SEM1: variants seen among roughly 807,000 people sequenced by gnomAD.
SEM1 encodes the protein 26S proteasome complex subunit SEM1.
A neutral mutation model predicts 12.7 loss-of-function variants in SEM1; 3 were observed. That is an observed-to-expected ratio of 0.24 (90% CI 0.11 to 0.61). The LOEUF (loss-of-function observed/expected upper bound fraction) is 0.61. Ranked by LOEUF, SEM1 falls within the 20% of genes least tolerant of loss-of-function variation. SEM1 has a pLI of 0.88. For synonymous variants in SEM1, 30 were observed against 27.8 expected, an observed-to-expected ratio of 1.08 and a Z score of -0.25; for missense variants, 59 against 81.3, an observed-to-expected ratio of 0.73 and a Z score of 1.06.
rs545408432 is a variant in SEM1, at chr7:96,677,327, T to C, written c.171-3468A>G. 4.6e-5 allele frequency among the ~76,000 whole-genome samples: 7 copies of C among 152,180 alleles called. No homozygotes were observed. The South Asian group carries it at 1.2e-3, about 27-fold the overall frequency. Reference sequence around the variant, plus strand: ...GGTAACAAAGAGCTAAAAGGTTCAGTTGGTGGTTATCGTCATCTTTTCTTG... The same window carrying C: ...GGTAACAAAGAGCTAAAAGGTTCAGCTGGTGGTTATCGTCATCTTTTCTTG... On this transcript the variant is annotated intron_variant, in intron 2 of 2. Transcript: ENST00000413065.
intron 2 of SEM1, among the ~76,000 whole-genome samples, chr7:96,611,398 G>A (rs1214157192): frequency 3.9e-5 from 6 of 152,282 alleles, no homozygotes; most frequent in African/African-American, 1.4e-4. Flanking sequence ...ACATCACCTA[G>A]GAAGGAAGAG....
chr7:96,628,278 G>T (rs537805951), intron 2 of SEM1, among the ~76,000 whole-genome samples: 19 of 152,036 alleles, frequency 1.2e-4, no homozygotes, highest in African/African-American at 4.6e-4. Context: ...CTGCCATTTT[G>T]TTATTTGTTT....
chr7:96,701,143 G>C (rs998599393), intron 1 of SEM1, among the ~76,000 whole-genome samples: 1 of 151,964 alleles, frequency 6.6e-6, no homozygotes, highest in Non-Finnish European at 1.5e-5. Context: ...TTAGAGGGGA[G>C]AGAAAAAAGG....
intron 2 of SEM1, among the ~76,000 whole-genome samples, chr7:96,560,840 T>G (rs1296533054): frequency 2.0e-5 from 3 of 152,184 alleles, no homozygotes; most frequent in Admixed American, 6.5e-5. Context: ...CATTTGATTT[T>G]AAATAACACC....
chr7:96,686,414 A>T (rs1053346301), downstream of SEM1, among the ~76,000 whole-genome samples: 1 of 152,130 alleles, frequency 6.6e-6, no homozygotes, highest in Non-Finnish European at 1.5e-5. Flanking sequence ...TCAAAATTAT[A>T]CCTCAATAAT....
chr7:96,678,748 A>C (rs1207607406), intron 2 of SEM1, among the ~76,000 whole-genome samples: 2 of 152,108 alleles, frequency 1.3e-5, no homozygotes, highest in African/African-American at 4.8e-5. Context: ...TTTTAAAATG[A>C]GATATCAAGT....
At chr7:96,567,851 A>C (rs758385364) in intron 2 of SEM1, among the ~76,000 whole-genome samples, 1 of 151,434 alleles carries the variant, frequency 6.6e-6, no homozygotes, top group Non-Finnish European at 1.5e-5. Context: ...CTTTTAAAGC[A>C]ATGTTGGATT....
intron 2 of SEM1, among the ~76,000 whole-genome samples, chr7:96,635,957 G>A (rs1282635123): frequency 6.6e-6 from 1 of 152,000 alleles, no homozygotes; most frequent in African/African-American, 2.4e-5. Context: ...TAAGAAATCT[G>A]TCTCTAACTG....
intron 2 of SEM1, among the ~76,000 whole-genome samples, chr7:96,585,090 T>G (rs552489214): frequency 2.2e-4 from 33 of 152,302 alleles, no homozygotes; most frequent in South Asian, 1.4e-3. Flanking sequence ...TTTCCCCATC[T>G]TTGTGGTTTT....
chr7:96,682,258 T>C (rs1789636414), intron 2 of SEM1, among the ~76,000 whole-genome samples: 1 of 152,188 alleles, frequency 6.6e-6, no homozygotes, highest in African/African-American at 2.4e-5. Context: ...TTTGCTTAAG[T>C]TGCTTATCAG....
In SEM1 at chr7:96,680,715, G is replaced by A. The variant is rs915533350; in HGVS notation, c.171-6856C>T. On this transcript the variant is annotated intron_variant, in intron 2 of 2. Coordinates refer to the SEM1 transcript ENST00000413065. ...AGAGGAATCAGAATAACATTATAGC[G>A]ATTCTACCTGACCAGTGAATTAAAA... is the stretch of plus-strand genomic sequence containing the variant. 3.3e-5 allele frequency among the ~76,000 whole-genome samples: 5 copies of A among 152,162 alleles called. No individual in the cohort carries two copies. The Middle Eastern group carries it at 0.017, about 518-fold the overall frequency.
intron 2 of SEM1, among the ~76,000 whole-genome samples, chr7:96,616,056 C>A (rs966406674): frequency 6.6e-6 from 1 of 152,084 alleles, no homozygotes; most frequent in Non-Finnish European, 1.5e-5. Flanking sequence ...TGAGTATATA[C>A]CTAGTAGTGA....
chr7:96,668,797 A>G (rs1350137035), downstream of SEM1, among the ~76,000 whole-genome samples: 1 of 152,162 alleles, frequency 6.6e-6, no homozygotes, highest in Non-Finnish European at 1.5e-5. Flanking sequence ...TCAGAATGTG[A>G]CCTTACCTGG....
intron 2 of SEM1, among the ~76,000 whole-genome samples, chr7:96,534,983 T>C (rs2115741474): frequency 6.6e-6 from 1 of 152,068 alleles, no homozygotes; most frequent in South Asian, 2.1e-4. Flanking sequence ...TTATTAATAA[T>C]TTGTAAGAGA....
At chr7:96,667,824 ATAG>A (rs1216128669) in intron 2 of SEM1, among the ~76,000 whole-genome samples, 1 of 152,224 alleles carries the variant, frequency 6.6e-6, no homozygotes. Flanking sequence ...TGTAAAGAAT[ATAG>A]TTTGGTATTT....
At chr7:96,500,578 C>A (rs1404905945), upstream of SEM1, among the ~76,000 whole-genome samples, 1 of 152,086 alleles carries the variant, frequency 6.6e-6, no homozygotes, top group Admixed American at 6.6e-5. Flanking sequence ...ATATTTTGTG[C>A]ATATTCCAGG....
At chr7:96,582,587 G>A (rs1163354541) in intron 2 of SEM1, among the ~76,000 whole-genome samples, 1 of 152,180 alleles carries the variant, frequency 6.6e-6, no homozygotes, top group Non-Finnish European at 1.5e-5. Flanking sequence ...ATTCGGCTGT[G>A]AATCTGTCTG....
chr7:96,623,704 A>G (rs549946109), intron 2 of SEM1, among the ~76,000 whole-genome samples: 2 of 151,936 alleles, frequency 1.3e-5, no homozygotes, highest in East Asian at 1.9e-4. Context: ...TGCATACTCA[A>G]TCATTGAAAG....
At chr7:96,557,726 G>A (rs1245999939) in intron 2 of SEM1, among the ~76,000 whole-genome samples, 2 of 146,526 alleles carry the variant, frequency 1.4e-5, no homozygotes, top group East Asian at 2.1e-4. Flanking sequence ...CACCCAGTTG[G>A]AGCTTCCCGG....
Sources: gnomAD v4.1 joint callset for allele counts (sites outside exome capture counted in the v4.1 genomes callset) on GRCh38, gnomAD v4.1.1 for gene constraint, MANE v1.5 for transcripts, NCBI Gene and HGNC (gene_info 2026-07-23, HGNC 2026-07-21) for gene names.